The following URI1 variants were observed in gnomAD, a reference collection of about 807,000 sequenced individuals.
URI1 encodes URI1 prefoldin like chaperone, also known as unconventional prefoldin RPB5 interactor 1.
In URI1, 39 loss-of-function variants were observed where a neutral mutation model predicts 60.2. That is an observed-to-expected ratio of 0.65 (90% confidence interval 0.50 to 0.85). URI1 has a LOEUF of 0.85. URI1 is among the 40% of genes least tolerant of loss of function. URI1 has a pLI of 0.00. For synonymous variants in URI1, 251 were observed against 236.8 expected, an observed-to-expected ratio of 1.06 and a Z score of -0.55; for missense variants, 691 against 665.9, an observed-to-expected ratio of 1.04 and a Z score of -0.42.
intron 2 of URI1, among the ~76,000 whole-genome samples, chr19:29,975,411 T>C (rs950245198): frequency 2.0e-5 from 3 of 152,064 alleles, no homozygotes; most frequent in African/African-American, 7.2e-5. Context: ...ACAATACATT[T>C]ACATGTTTCA....
chr19:29,956,887 C>CA (rs2055255633), intron 1 of URI1: 1 of 1,387,226 alleles, frequency 7.2e-7, no homozygotes, highest in East Asian at 2.3e-5. Flanking sequence ...AGTCCTTCCG[C>CA]AGGGTTCCTC....
chr19:29,985,722 A>G (rs567520808), intron 3 of URI1, among the ~76,000 whole-genome samples: 2 of 152,314 alleles, frequency 1.3e-5, no homozygotes, highest in East Asian at 1.9e-4. Context: ...TGATCTTCAC[A>G]TCGACATAGT....
At chr19:29,979,442 AC>A (rs2055565565) in intron 2 of URI1, among the ~76,000 whole-genome samples, 1 of 152,198 alleles carries the variant, frequency 6.6e-6, no homozygotes, top group African/African-American at 2.4e-5. Flanking sequence ...GAGTGAAGAA[AC>A]AGGCACCTGT....
At chr19:29,991,386 T>A (rs986239727) in intron 4 of URI1, among the ~76,000 whole-genome samples, 4 of 152,204 alleles carry the variant, frequency 2.6e-5, no homozygotes, top group African/African-American at 9.6e-5. Context: ...GATGGCATTT[T>A]AAAATCTTGT....
intron 2 of URI1, among the ~76,000 whole-genome samples, chr19:29,982,470 C>G (rs2055611241): frequency 1.3e-5 from 2 of 151,950 alleles, no homozygotes; most frequent in South Asian, 4.2e-4. Flanking sequence ...GACTTTAATA[C>G]TAGCTTCTTA....
intron 3 of URI1, 105 bp from the exon 4 acceptor site, chr19:29,986,177 A>G: frequency 8.8e-7 from 1 of 1,142,316 alleles, no homozygotes; most frequent in South Asian, 2.4e-5. Flanking sequence ...CAATGTATAA[A>G]TAAAAAAATT....
At position 30,009,023 on chromosome 19, in the gene URI1, T is replaced by C; in HGVS notation, c.705T>C (p.Ile235=). Residue 235 remains isoleucine (I), a synonymous_variant, in exon 8 of 11, where the codon ATT becomes ATC. Coordinates refer to ENST00000392271, the MANE Select transcript of URI1 (RefSeq NM_003796.3). ...TTGCTAGTAAGCCTGATACTGTGAT[T>C]GCAAATGGAGAAGATACGACATCTT... ...GELDSKPDTV[I]ANGEDTTSSE... is the part of the protein sequence containing the mutation. 1 of 1,610,454 alleles carries C rather than the reference T, an allele frequency of 6.2e-7. No homozygotes were observed. Among genetic ancestry groups the C allele is most frequent in the Non-Finnish European group, 8.5e-7 (1 of 1,177,470 alleles).
Position 30,012,241 on chromosome 19 carries a change from A to G in URI1, c.1179-44A>G, listed in dbSNP as rs1328607887. 3.3e-6 allele frequency: 5 copies of G among 1,524,586 alleles called. No individual in the cohort carries two copies. In the African/African-American group the frequency reaches 7.0e-5, roughly 21 times the overall value. The allele number at this position is 1,524,586 out of a possible 1,614,324, so 94.4% of individuals were successfully genotyped here. A position where few individuals can be genotyped will look rare whatever the true frequency, so the allele number is the denominator to read the frequency against. On this transcript the variant is annotated intron_variant, in intron 9 of 10. Coordinates refer to ENST00000392271, the MANE Select transcript of URI1 (RefSeq NM_003796.3). ...TTTTCAAAAAGTTGTTCTCAGTTTT[A>G]TGAGTTACGTATAGTGAATGCATAT...
At chr19:30,001,795 A>G (rs1407277772) in intron 4 of URI1, among the ~76,000 whole-genome samples, 4 of 151,714 alleles carry the variant, frequency 2.6e-5, no homozygotes, top group Non-Finnish European at 4.4e-5. Context: ...TTTCTTGTCT[A>G]TTTTCTCTTC....
rs574797715 is a variant in URI1, at chr19:29,951,703, C to A, written c.117+9039C>A. ...CTGGGATTACAGGCCTCTGCCACCA[C>A]GCCCAGCTACTTTTTTGTATTTTTA... On this transcript the variant is annotated intron_variant, in intron 1 of 10. Transcript: ENST00000392271. Among the ~76,000 whole-genome samples the A allele has an allele frequency of 3.4e-3, 513 of 152,198 alleles. 5 individuals are homozygous for A. The highest frequency in any genetic ancestry group is 0.012 in the African/African-American group (498 of 41,530).
intron 1 of URI1, among the ~76,000 whole-genome samples, chr19:29,949,316 G>A (rs1487308082): frequency 1.3e-5 from 2 of 151,076 alleles, no homozygotes; most frequent in Admixed American, 6.6e-5. Flanking sequence ...CAGACGGGGC[G>A]GCGGGGCGGA....
intron 1 of URI1, among the ~76,000 whole-genome samples, chr19:29,950,491 C>G (rs2055166482): frequency 6.6e-6 from 1 of 152,140 alleles, no homozygotes; most frequent in African/African-American, 2.4e-5. Context: ...GGTGAAAGAA[C>G]AATATGATGA....
intron 4 of URI1, among the ~76,000 whole-genome samples, chr19:29,987,879 A>G (rs181925828): frequency 3.3e-5 from 5 of 152,218 alleles, no homozygotes; most frequent in African/African-American, 9.6e-5. Flanking sequence ...TGTTACAATA[A>G]ATTCTGGGCC....
chr19:29,968,828 C>A (rs934636083), intron 1 of URI1, among the ~76,000 whole-genome samples: 1 of 151,826 alleles, frequency 6.6e-6, no homozygotes, highest in Non-Finnish European at 1.5e-5. Context: ...ACCTCAGCCT[C>A]CCAAAGTGCT....
chr19:30,000,711 C>T (rs968079968), intron 4 of URI1, among the ~76,000 whole-genome samples: 1 of 151,786 alleles, frequency 6.6e-6, no homozygotes, highest in African/African-American at 2.4e-5. Flanking sequence ...TCCTTATTCC[C>T]CATGATCTGG....
intron 1 of URI1, among the ~76,000 whole-genome samples, chr19:29,961,673 TTG>T (rs1234005887): frequency 0.032 from 1,877 of 59,096 alleles, 35 homozygotes; most frequent in African/African-American, 0.093. Context: ...TCTTTTTTTT[TTG>T]TTTTTTTTTT....
chr19:29,944,194 A>ATAT (rs2055074931), intron 1 of URI1, among the ~76,000 whole-genome samples: 2 of 63,726 alleles, frequency 3.1e-5, no homozygotes, highest in Non-Finnish European at 7.9e-5. Context: ...TATATATATA[A>ATAT]AACTTAACTA....
chr19:30,008,251 T>A (rs1192517261), intron 7 of URI1, among the ~76,000 whole-genome samples: 3 of 152,170 alleles, frequency 2.0e-5, no homozygotes, highest in African/African-American at 7.2e-5. Flanking sequence ...TATATTATTT[T>A]GCTTAAATGA....
intron 10 of URI1, chr19:30,014,159 A>G (rs1340138151): frequency 6.6e-6 from 1 of 152,162 alleles, no homozygotes; most frequent in Non-Finnish European, 1.5e-5. Flanking sequence ...CAATTTATGC[A>G]CATTCTTTAA....
Sources: allele counts gnomAD v4.1 joint callset (sites outside exome capture counted in the v4.1 genomes callset), GRCh38; gene constraint gnomAD v4.1.1; transcripts MANE v1.5; gene names NCBI Gene and HGNC (gene_info 2026-07-23, HGNC 2026-07-21).